Variants in SWAP70 observed in about 807,000 individuals in gnomAD.
SWAP70 encodes the protein switch-associated protein 70.
SWAP70 carries 34 observed loss-of-function variants against 80.2 expected under a neutral mutation model. The ratio of observed to expected loss-of-function variants is 0.42; its 90% CI spans 0.32 to 0.56. SWAP70 has a LOEUF of 0.56. Among genes scored for constraint, SWAP70 ranks in the 20% least tolerant of loss-of-function variants. SWAP70 has a pLI of 0.09. For missense variants in SWAP70, 578 were observed against 690.7 expected, an observed-to-expected ratio of 0.84 and a Z score of 1.83; for synonymous variants, 239 against 238.5, an observed-to-expected ratio of 1.00 and a Z score of -0.02.
intron 11 of SWAP70, 107 bp from the exon 12 acceptor site, chr11:9,749,757 T>A (rs568656791): frequency 7.2e-6 from 5 of 690,596 alleles, no homozygotes; most frequent in Non-Finnish European, 1.0e-5. Flanking sequence ...TGCATGTTCC[T>A]CAAAGAAGAA....
In SWAP70 at chr11:9,731,488, C is replaced by CA. The variant is rs1448831924; in HGVS notation, c.899-1040dup. On this transcript the variant is annotated intron_variant, in intron 6 of 11. Transcript: ENST00000318950. ...TATACTCACACATTTTTCAAAATGA[C>CA]ATAGATTGCAAACAATCTAGCTATC... is the stretch of plus-strand genomic sequence containing the variant. 2.0e-5 allele frequency among the ~76,000 whole-genome samples: 3 copies of CA among 152,264 alleles called. No homozygotes were observed. The East Asian group carries it at 5.8e-4, about 29-fold the overall frequency.
chr11:9,721,138 ATCTTTC>A (rs1480159507), intron 3 of SWAP70, among the ~76,000 whole-genome samples: 1 of 151,938 alleles, frequency 6.6e-6, no homozygotes. Flanking sequence ...ATCTTTTTAT[ATCTTTC>A]TCTTTTCTGT....
chr11:9,737,100 C>T (rs1590045898), intron 7 of SWAP70, among the ~76,000 whole-genome samples: 1 of 152,344 alleles, frequency 6.6e-6, no homozygotes, highest in Non-Finnish European at 1.5e-5. Flanking sequence ...GTGTTGTTCT[C>T]ATGGAGCTTC....
chr11:9,726,476 G>T (rs1475514065), intron 4 of SWAP70, among the ~76,000 whole-genome samples: 1 of 152,166 alleles, frequency 6.6e-6, no homozygotes, highest in African/African-American at 2.4e-5. Context: ...AAAGAGGTAT[G>T]AGACGTGGTC....
chr11:9,672,007 T>A (rs1448329873), intron 1 of SWAP70, among the ~76,000 whole-genome samples: 14 of 118,178 alleles, frequency 1.2e-4, no homozygotes, highest in African/African-American at 4.7e-4. Context: ...ATATATAAAA[T>A]ATATATTTTA....
intron 2 of SWAP70, among the ~76,000 whole-genome samples, chr11:9,704,164 A>G (rs1379981547): frequency 6.6e-6 from 1 of 152,170 alleles, no homozygotes; most frequent in Admixed American, 6.5e-5. Context: ...TTAATAACAG[A>G]CACAATTCTG....
chr11:9,740,107 C>T (rs1175253198), intron 8 of SWAP70, 74 bp from the exon 9 acceptor site: 11 of 1,436,882 alleles, frequency 7.7e-6, no homozygotes, highest in Non-Finnish European at 1.1e-5. Context: ...GTGGGCAACC[C>T]CTCAGGTGGA....
At chr11:9,689,553 A>G (rs1159246034) in intron 1 of SWAP70, among the ~76,000 whole-genome samples, 1 of 152,252 alleles carries the variant, frequency 6.6e-6, no homozygotes, top group Non-Finnish European at 1.5e-5. Flanking sequence ...AGGAACAGGC[A>G]TTTGAAGCGG....
intron 1 of SWAP70, among the ~76,000 whole-genome samples, chr11:9,685,740 T>A (rs1205138498): frequency 6.6e-6 from 1 of 152,142 alleles, no homozygotes; most frequent in East Asian, 1.9e-4. Context: ...TTCAAGCAAT[T>A]CTCCTGCCTC....
chr11:9,674,154 G>A (rs1362910246), intron 1 of SWAP70, among the ~76,000 whole-genome samples: 1 of 152,090 alleles, frequency 6.6e-6, no homozygotes, highest in East Asian at 1.9e-4. Flanking sequence ...GCCCACCTCG[G>A]CCTCCCAAAG....
intron 7 of SWAP70, among the ~76,000 whole-genome samples, chr11:9,733,244 C>A (rs897430670): frequency 6.6e-6 from 1 of 152,130 alleles, no homozygotes; most frequent in Admixed American, 6.5e-5. Flanking sequence ...GGAACACTTC[C>A]TCGGTTATGT....
chr11:9,728,905 G>A lies in SWAP70; in HGVS notation c.790-438G>A, dbSNP rs6483643. Among the ~76,000 whole-genome samples the A allele has an allele frequency of 5.8e-3, 877 of 152,284 alleles. 7 individuals carry two copies. The highest frequency in any genetic ancestry group is 0.02 in the African/African-American group (829 of 41,544). ...GGCCAGTTTACTCATAAACATATAGGACAGAAACCACGGGTTGCCAGCCAC... is the reference window on the plus strand; with the variant it reads ...GGCCAGTTTACTCATAAACATATAGAACAGAAACCACGGGTTGCCAGCCAC... On this transcript the variant is annotated intron_variant, in intron 5 of 11. Transcript: ENST00000318950.
chr11:9,713,205 A>G (rs1219981756), intron 2 of SWAP70, among the ~76,000 whole-genome samples: 1 of 152,196 alleles, frequency 6.6e-6, no homozygotes, highest in Non-Finnish European at 1.5e-5. Flanking sequence ...TACACATGAA[A>G]CGGTAACTAT....
In SWAP70 at chr11:9,740,311, G is replaced by A. The variant is rs962713705; in HGVS notation, c.1319G>A (p.Arg440Gln). The A allele has an allele frequency of 2.5e-6, 4 of 1,614,174 alleles. No individual in the cohort carries two copies. Among genetic ancestry groups the A allele is most frequent in the South Asian group, 2.2e-5 (2 of 91,074 alleles). ...GCTCTTGAAGATGAGAGACAGGCCC[G>A]GCAAGATGAAGAGACAGTGCGGAAG... ...QEALEDERQARQDEETVRKLQ... is the reference protein window; with the variant it reads ...QEALEDERQAQQDEETVRKLQ... The change falls in exon 9 of 12, where the codon CGG (arginine) becomes CAG (glutamine). Residue 440 changes from arginine to glutamine, a missense_variant. By Grantham distance (43) the Arg-to-Gln change is conservative. Transcript: ENST00000318950.
At chr11:9,694,599 C>G (rs931057600) in intron 2 of SWAP70, among the ~76,000 whole-genome samples, 3 of 152,084 alleles carry the variant, frequency 2.0e-5, no homozygotes, top group Non-Finnish European at 4.4e-5. Flanking sequence ...CCAGAATTTA[C>G]AAGGAACTTA....
rs558105450 is a variant in SWAP70 at position 9,733,780 on chromosome 11, A to G, written c.1080+1070A>G. Among the ~76,000 whole-genome samples, 7 of 152,292 alleles carry G rather than the reference A, an allele frequency of 4.6e-5. No homozygotes were observed. In the East Asian group the frequency reaches 1.2e-3, roughly 25 times the overall value. Reference sequence around the variant, plus strand: ...GCTTCCTTCCACTGTGCACACATCAAAAGTGGGTGTTATGAGGGAATGGTG... The same window carrying G: ...GCTTCCTTCCACTGTGCACACATCAGAAGTGGGTGTTATGAGGGAATGGTG... On this transcript the variant is annotated intron_variant, in intron 7 of 11. Transcript: ENST00000318950.
intron 3 of SWAP70, among the ~76,000 whole-genome samples, chr11:9,723,345 T>A (rs1851164246): frequency 6.6e-6 from 1 of 152,054 alleles, no homozygotes; most frequent in African/African-American, 2.4e-5. Context: ...AAAGCAAAAC[T>A]TATCACAAAA....
At chr11:9,698,094 T>TA (rs1850782645) in intron 2 of SWAP70, among the ~76,000 whole-genome samples, 1 of 62,512 alleles carries the variant, frequency 1.6e-5, no homozygotes, top group Non-Finnish European at 4.4e-5. Flanking sequence ...CCAATACATG[T>TA]TTTTTGTTTT....
intron 8 of SWAP70, among the ~76,000 whole-genome samples, 153 bp from the exon 9 acceptor site, chr11:9,740,028 C>G (rs1262338125): frequency 6.6e-6 from 1 of 152,206 alleles, no homozygotes; most frequent in African/African-American, 2.4e-5. Context: ...GTACCCTCAT[C>G]TCCTCCATCT....
Sources: gnomAD v4.1 joint callset for allele counts (sites outside exome capture counted in the v4.1 genomes callset) on GRCh38, gnomAD v4.1.1 for gene constraint, MANE v1.5 for transcripts, NCBI Gene and HGNC (gene_info 2026-07-23, HGNC 2026-07-21) for gene names.